CNTN4: variants seen among roughly 807,000 people sequenced by gnomAD.
The protein encoded by CNTN4 is contactin-4.
CNTN4 carries 77 observed loss-of-function variants against 122.5 expected under a neutral mutation model. That is an observed-to-expected ratio of 0.63 (90% CI 0.52 to 0.76). CNTN4 has a LOEUF of 0.76. Among genes scored for constraint, CNTN4 ranks in the 30% least tolerant of loss-of-function variants. The probability of loss-of-function intolerance (pLI) is 0.00; values close to 1 mark genes in which losing one functional copy is unlikely to be tolerated. For synonymous variants in CNTN4, 512 were observed against 447.0 expected, an observed-to-expected ratio of 1.15 and a Z score of -1.83; for missense variants, 1,256 against 1,259.1, an observed-to-expected ratio of 1.00 and a Z score of 0.04.
chr3:2,204,007 CATACAT>C (rs2038227045), intron 2 of CNTN4, among the ~76,000 whole-genome samples: 1 of 152,070 alleles, frequency 6.6e-6, no homozygotes, highest in South Asian at 2.1e-4. Flanking sequence ...GTATTTCAAA[CATACAT>C]ATATATTCCA....
chr3:2,854,167 T>G (rs942645184), intron 7 of CNTN4, among the ~76,000 whole-genome samples: 1 of 152,064 alleles, frequency 6.6e-6, no homozygotes, highest in African/African-American at 2.4e-5. Flanking sequence ...GACCGAATGC[T>G]TTTGTTATTG....
chr3:2,125,925 G>GTGTGTGTGTGTGTA (rs776234872), intron 2 of CNTN4, among the ~76,000 whole-genome samples: 1 of 148,136 alleles, frequency 6.8e-6, no homozygotes, highest in Non-Finnish European at 1.5e-5. Flanking sequence ...GTGTGTGTGT[G>GTGTGTGTGTGTGTA]TGTATGTGTG....
intron 4 of CNTN4, among the ~76,000 whole-genome samples, chr3:2,670,414 C>T (rs1361354577): frequency 6.6e-6 from 1 of 152,116 alleles, no homozygotes; most frequent in Non-Finnish European, 1.5e-5. Context: ...AGGATTGCAA[C>T]CCCTGCCTTT....
At chr3:2,377,510 G>T (rs1433988007) in intron 3 of CNTN4, among the ~76,000 whole-genome samples, 1 of 152,150 alleles carries the variant, frequency 6.6e-6, no homozygotes, top group East Asian at 1.9e-4. Flanking sequence ...TCACAGGAAA[G>T]GTCAAATAGG....
At chr3:2,829,465 C>T (rs2093055813) in intron 7 of CNTN4, among the ~76,000 whole-genome samples, 1 of 152,156 alleles carries the variant, frequency 6.6e-6, no homozygotes, top group Non-Finnish European at 1.5e-5. Context: ...AAGAAAGAAT[C>T]AGCAAAAGAA....
intron 2 of CNTN4, among the ~76,000 whole-genome samples, chr3:2,320,924 C>T (rs1170018270): frequency 6.6e-6 from 1 of 152,048 alleles, no homozygotes; most frequent in Non-Finnish European, 1.5e-5. Flanking sequence ...CAGTGAAACT[C>T]TAAAAAATAT....
Position 3,042,390 on chromosome 3 carries a change from GAGA to G in CNTN4, c.2484_2486del (p.Lys828del), listed in dbSNP as rs768775803. On this transcript the variant is annotated inframe_deletion, in exon 21 of 25. Transcript: ENST00000418658. ...TGAAGTTTTCTGGGCCTCCCCACTG[GAGA>G]AGAATAGAGGACGAATACAAGGTTA... The G allele has an allele frequency of 1.9e-6, 3 of 1,613,420 alleles. No individual in the cohort carries two copies. Among genetic ancestry groups the G allele is most frequent in the East Asian group, 2.2e-5 (1 of 44,872 alleles).
chr3:2,618,402 C>T (rs2081862062), intron 4 of CNTN4, among the ~76,000 whole-genome samples: 1 of 151,976 alleles, frequency 6.6e-6, no homozygotes, highest in African/African-American at 2.4e-5. Flanking sequence ...CATATTATTA[C>T]AAATGTTTGC....
chr3:2,982,327 A>G (rs1694104029), intron 13 of CNTN4, among the ~76,000 whole-genome samples: 1 of 152,128 alleles, frequency 6.6e-6, no homozygotes, highest in Admixed American at 6.5e-5. Context: ...CAAGTTCAGC[A>G]ATTTCTTGGA....
At position 2,891,350 on chromosome 3, in the gene CNTN4, G is replaced by A. The variant is rs377654346; in HGVS notation, c.940+4126G>A. 1.7e-4 allele frequency among the ~76,000 whole-genome samples: 26 copies of A among 152,226 alleles called. No homozygotes were observed. The East Asian group carries it at 3.1e-3, about 18-fold the overall frequency. On this transcript the variant is annotated intron_variant, in intron 10 of 24. Transcript: ENST00000418658. ...TAGTCCCAACTACACGGGAGGCTGA[G>A]GCAGGAGAATCACTTGAACCCAGGA...
At chr3:2,373,758 C>T (rs1049282390) in intron 3 of CNTN4, among the ~76,000 whole-genome samples, 1 of 152,086 alleles carries the variant, frequency 6.6e-6, no homozygotes, top group Admixed American at 6.5e-5. Context: ...AGATACTGTG[C>T]AGATACAGTA....
chr3:2,163,981 C>A (rs1471339255), intron 2 of CNTN4, among the ~76,000 whole-genome samples: 3 of 151,946 alleles, frequency 2.0e-5, no homozygotes, highest in South Asian at 4.2e-4. Flanking sequence ...TGTGAGGCTG[C>A]AAAGGTATAA....
intron 9 of CNTN4, among the ~76,000 whole-genome samples, chr3:2,885,018 A>G (rs562031470): frequency 9.8e-5 from 15 of 152,326 alleles, no homozygotes; most frequent in African/African-American, 3.6e-4. Flanking sequence ...TACTTTTCAT[A>G]GACCTTTTCT....
intron 6 of CNTN4, among the ~76,000 whole-genome samples, chr3:2,780,222 T>A (rs1227257432): frequency 3.3e-5 from 5 of 152,216 alleles, no homozygotes; most frequent in African/African-American, 1.2e-4. Flanking sequence ...ATTTCCAATT[T>A]AGCTGTAGTA....
intron 21 of CNTN4, 171 bp from the exon 22 acceptor site, chr3:3,042,806 A>G: frequency 1.6e-6 from 1 of 644,182 alleles, no homozygotes; most frequent in South Asian, 1.9e-5. Context: ...GACCCTTCTT[A>G]CTTTGGATAA....
chr3:2,917,350 G>GGGGAGAC (rs1553692495), intron 12 of CNTN4, among the ~76,000 whole-genome samples: 2 of 150,970 alleles, frequency 1.3e-5, no homozygotes, highest in Non-Finnish European at 2.9e-5. Flanking sequence ...GAGAGGAAGA[G>GGGGAGAC]GGAGACGGAG....
At chr3:2,131,884 C>A (rs935569685) in intron 2 of CNTN4, among the ~76,000 whole-genome samples, 1 of 152,072 alleles carries the variant, frequency 6.6e-6, no homozygotes, top group Non-Finnish European at 1.5e-5. Context: ...AATCTGAGAG[C>A]AACAGTACAT....
At chr3:2,819,386 A>G in intron 6 of CNTN4, 100 bp from the exon 7 acceptor site, 3 of 888,420 alleles carry the variant, frequency 3.4e-6, no homozygotes, top group Middle Eastern at 2.1e-4. Flanking sequence ...CTACCAACGC[A>G]GTTTTGAGCA....
intron 2 of CNTN4, among the ~76,000 whole-genome samples, chr3:2,306,940 A>C (rs778144280): frequency 3.3e-5 from 5 of 152,160 alleles, no homozygotes; most frequent in African/African-American, 4.8e-5. Flanking sequence ...GTATAGAAAT[A>C]AAACTTATAT....
Sources: allele counts gnomAD v4.1 joint callset (sites outside exome capture counted in the v4.1 genomes callset), GRCh38; gene constraint gnomAD v4.1.1; transcripts MANE v1.5; gene names NCBI Gene and HGNC (gene_info 2026-07-23, HGNC 2026-07-21).